The following DOCK7 variants were observed in gnomAD, a reference collection of about 807,000 sequenced individuals.
DOCK7 encodes dedicator of cytokinesis protein 7.
DOCK7 carries 138 observed loss-of-function variants against 271.0 expected under a neutral mutation model. The ratio of observed to expected loss-of-function variants is 0.51; its 90% CI spans 0.44 to 0.59. The LOEUF (loss-of-function observed/expected upper bound fraction) is 0.59. Among genes scored for constraint, DOCK7 ranks in the 20% least tolerant of loss-of-function variants. DOCK7 has a pLI of 0.00. For synonymous variants in DOCK7, 823 were observed against 876.1 expected (o/e 0.94, Z 1.07); for missense variants, 2,066 against 2,592.4 (o/e 0.80, Z 4.41).
chr1:62,576,371 C>T (rs1646940838), intron 18 of DOCK7, among the ~76,000 whole-genome samples: 2 of 151,984 alleles, frequency 1.3e-5, no homozygotes, highest in South Asian at 4.2e-4. Context: ...TAGAGCACTG[C>T]CAGCAGAGGG....
At chr1:62,480,756 C>A (rs1646097050) in intron 43 of DOCK7, among the ~76,000 whole-genome samples, 1 of 152,306 alleles carries the variant, frequency 6.6e-6, no homozygotes, top group South Asian at 2.1e-4. Flanking sequence ...TGCCTGTAAT[C>A]CCAGCACTTT....
chr1:62,503,759 G>A lies in DOCK7; in HGVS notation c.4764+871C>T, dbSNP rs559763333. ...GCCAGCCAAAACTTTGAAACAAAAA[G>A]GCTAGCAGCCAGGCGCGGTGGCTCA... On this transcript the variant is annotated intron_variant, in intron 37 of 49. Coordinates refer to ENST00000635253, the MANE Select transcript of DOCK7 (RefSeq NM_001367561.1). Among the ~76,000 whole-genome samples, 4 of 152,116 alleles carry A rather than the reference G, an allele frequency of 2.6e-5. No homozygotes were observed. The East Asian group carries it at 5.9e-4, about 22-fold the overall frequency.
At chr1:62,533,639 G>A (rs1645247018) in intron 29 of DOCK7, among the ~76,000 whole-genome samples, 1 of 152,032 alleles carries the variant, frequency 6.6e-6, no homozygotes. Flanking sequence ...TTAGAACACA[G>A]GGTGAAAAAC....
intron 37 of DOCK7, among the ~76,000 whole-genome samples, chr1:62,504,060 A>T (rs1443419533): frequency 2.6e-5 from 4 of 152,044 alleles, no homozygotes; most frequent in African/African-American, 9.7e-5. Context: ...AAAAAAAAAA[A>T]AATAAGGCTA....
intron 14 of DOCK7, chr1:62,602,331 C>T (rs1650264348): frequency 1.2e-6 from 2 of 1,610,904 alleles, no homozygotes; most frequent in Non-Finnish European, 1.7e-6. Flanking sequence ...GATCACAAAA[C>T]TTCAATGAAA....
intron 34 of DOCK7, among the ~76,000 whole-genome samples, chr1:62,508,817 T>A (rs931904631): frequency 2.0e-5 from 3 of 152,170 alleles, no homozygotes; most frequent in Non-Finnish European, 4.4e-5. Flanking sequence ...TGTAAAAGTA[T>A]CATTTAATGC....
intron 1 of DOCK7, among the ~76,000 whole-genome samples, chr1:62,666,853 GA>G (rs1659380233): frequency 6.6e-6 from 1 of 152,066 alleles, no homozygotes; most frequent in South Asian, 2.1e-4. Context: ...ATTATAATAT[GA>G]AAAAAACTTC....
chr1:62,501,287 G>A (rs1646776413), intron 37 of DOCK7, among the ~76,000 whole-genome samples: 2 of 152,124 alleles, frequency 1.3e-5, no homozygotes, highest in South Asian at 4.1e-4. Flanking sequence ...AAAACTGGTG[G>A]TAAGCAATAT....
chr1:62,617,170 C>G (rs1380986645), intron 14 of DOCK7, among the ~76,000 whole-genome samples: 1 of 150,866 alleles, frequency 6.6e-6, no homozygotes. Flanking sequence ...GTACAGTAAG[C>G]CTAAAAAGCC....
At chr1:62,535,710 G>A in intron 28 of DOCK7, 78 bp from the exon 29 acceptor site, 10 of 1,383,726 alleles carry the variant, frequency 7.2e-6, no homozygotes, top group Non-Finnish European at 9.6e-6. Flanking sequence ...TATAAGAAAT[G>A]AAATACTTTT....
chr1:62,605,127 T>G, intron 14 of DOCK7: 1 of 244,212 alleles, frequency 4.1e-6, no homozygotes, highest in Non-Finnish European at 8.0e-6. Flanking sequence ...AAATAAAAAA[T>G]TTAGAGACTT....
chr1:62,572,818 G>A (rs1252215327), intron 18 of DOCK7, among the ~76,000 whole-genome samples: 1 of 152,120 alleles, frequency 6.6e-6, no homozygotes, highest in East Asian at 1.9e-4. Context: ...CTGTTCCATA[G>A]CAGAGAGATT....
chr1:62,610,071 G>A (rs964590687), intron 14 of DOCK7, among the ~76,000 whole-genome samples: 2 of 152,036 alleles, frequency 1.3e-5, no homozygotes, highest in Admixed American at 6.5e-5. Context: ...GGCTGGTCCC[G>A]AACTCCTGAC....
chr1:62,553,329 T>A (rs1571515585), intron 21 of DOCK7, among the ~76,000 whole-genome samples: 1 of 3,536 alleles, frequency 2.8e-4, no homozygotes, highest in Non-Finnish European at 5.0e-4. Context: ...TATATATATA[T>A]ATATATATAT....
intron 36 of DOCK7, 91 bp from the exon 37 acceptor site, chr1:62,504,873 A>G: frequency 2.1e-6 from 3 of 1,405,970 alleles, no homozygotes. Context: ...ACTTGTTAGT[A>G]TAGCCCAGAA....
chr1:62,602,985 T>C (rs1330445611), intron 14 of DOCK7, among the ~76,000 whole-genome samples: 1 of 151,738 alleles, frequency 6.6e-6, no homozygotes. Context: ...CCATGAATGA[T>C]GTCTAAGTAC....
At chr1:62,562,254 T>TA (rs1190883658) in intron 18 of DOCK7, among the ~76,000 whole-genome samples, 4 of 149,730 alleles carry the variant, frequency 2.7e-5, no homozygotes, top group East Asian at 2.0e-4. Flanking sequence ...TTTTTTGAAA[T>TA]AGAGTCTCGC....
chr1:62,604,587 T>A, intron 14 of DOCK7: 1 of 1,563,618 alleles, frequency 6.4e-7, no homozygotes, highest in Non-Finnish European at 8.8e-7. Flanking sequence ...TAACAGTAAC[T>A]ACATACGAGT....
At position 62,647,738 on chromosome 1, in the gene DOCK7, G is replaced by A. The variant is rs1287909672; in HGVS notation, c.771C>T (p.Pro257=). The A allele has an allele frequency of 1.2e-6, 2 of 1,609,902 alleles. No homozygotes were observed. Among genetic ancestry groups the A allele is most frequent in the African/African-American group, 1.3e-5 (1 of 74,728 alleles). The change falls in exon 7 of 50, where the codon CCC becomes CCT. Residue 257 remains proline (P), a synonymous_variant. Transcript: ENST00000635253. ...PIERLSVPDI[P]KEHFGQRLLV... ...GAAGTCTTTGACCAAAATGTTCTTTGGGTATATCAGGAACACTAAGCCGTT... is the reference window on the plus strand; with the variant it reads ...GAAGTCTTTGACCAAAATGTTCTTTAGGTATATCAGGAACACTAAGCCGTT...
Sources: allele counts gnomAD v4.1 joint callset (sites outside exome capture counted in the v4.1 genomes callset), GRCh38; gene constraint gnomAD v4.1.1; transcripts MANE v1.5; gene names NCBI Gene and HGNC (gene_info 2026-07-23, HGNC 2026-07-21).